The following CCSER1 variants were observed in gnomAD, a reference collection of about 807,000 sequenced individuals.
CCSER1 encodes the protein coiled-coil serine rich protein 1.
Under a neutral mutation model 82.0 loss-of-function variants are expected in CCSER1, and 41 were observed. The ratio of observed to expected loss-of-function variants is 0.50; its 90% CI spans 0.39 to 0.65. CCSER1 has a LOEUF of 0.65. CCSER1 is among the 30% of genes least tolerant of loss of function. CCSER1 has a pLI of 0.00. For missense variants in CCSER1, 1,119 were observed against 1,064.2 expected, an observed-to-expected ratio of 1.05 and a Z score of -0.72; for synonymous variants, 414 against 383.9, an observed-to-expected ratio of 1.08 and a Z score of -0.92.
chr4:91,278,508 T>C (rs981054852), intron 10 of CCSER1, among the ~76,000 whole-genome samples: 1 of 152,146 alleles, frequency 6.6e-6, no homozygotes, highest in Non-Finnish European at 1.5e-5. Flanking sequence ...TTGGTTTCTG[T>C]TTGCATGGAG....
chr4:90,531,868 C>T (rs1287116989), intron 5 of CCSER1, among the ~76,000 whole-genome samples: 1 of 152,046 alleles, frequency 6.6e-6, no homozygotes, highest in Non-Finnish European at 1.5e-5. Flanking sequence ...TAAGAAATGT[C>T]AGCATGACTT....
intron 9 of CCSER1, among the ~76,000 whole-genome samples, chr4:91,081,867 A>G (rs6836674): frequency 0.66 from 100,863 of 151,942 alleles, 33,986 homozygotes; most frequent in East Asian, 0.95. Flanking sequence ...GGACGTGAAG[A>G]ACCTCTTCAA....
chr4:90,548,369 G>A (rs1777045537), intron 5 of CCSER1, among the ~76,000 whole-genome samples: 1 of 152,054 alleles, frequency 6.6e-6, no homozygotes, highest in Non-Finnish European at 1.5e-5. Context: ...AATCTTTAGG[G>A]CCTACTTGTC....
chr4:91,212,136 G>T (rs1210030426), intron 10 of CCSER1, among the ~76,000 whole-genome samples: 1 of 152,004 alleles, frequency 6.6e-6, no homozygotes, highest in African/African-American at 2.4e-5. Context: ...ATTTGGTACA[G>T]TATTCACCTC....
At chr4:90,179,377 C>T (rs1019727129) in intron 1 of CCSER1, among the ~76,000 whole-genome samples, 7 of 152,122 alleles carry the variant, frequency 4.6e-5, no homozygotes, top group East Asian at 3.9e-4. Flanking sequence ...AGATATTTTC[C>T]GAAGTATAAT....
intron 9 of CCSER1, among the ~76,000 whole-genome samples, chr4:91,033,055 T>C (rs1247540388): frequency 8.4e-6 from 1 of 118,366 alleles, no homozygotes; most frequent in Non-Finnish European, 1.8e-5. Context: ...TACATACAAA[T>C]AAACAAAAAA....
intron 3 of CCSER1, among the ~76,000 whole-genome samples, chr4:90,395,188 C>A (rs1023781305): frequency 6.6e-6 from 1 of 152,136 alleles, no homozygotes; most frequent in Non-Finnish European, 1.5e-5. Flanking sequence ...ATGTTCTGTG[C>A]GTGACTTACT....
chr4:90,542,745 T>A (rs1776264394), intron 5 of CCSER1, among the ~76,000 whole-genome samples: 1 of 152,098 alleles, frequency 6.6e-6, no homozygotes, highest in African/African-American at 2.4e-5. Context: ...ATTTTTATTG[T>A]CCCAGAAATC....
chr4:90,265,209 A>G (rs13143220), intron 1 of CCSER1, among the ~76,000 whole-genome samples: 3 of 151,872 alleles, frequency 2.0e-5, no homozygotes, highest in African/African-American at 7.2e-5. Context: ...TTCCTGAGGC[A>G]ATATTTTTTA....
intron 9 of CCSER1, among the ~76,000 whole-genome samples, chr4:91,081,071 A>T (rs1029612600): frequency 6.6e-6 from 1 of 152,174 alleles, no homozygotes; most frequent in African/African-American, 2.4e-5. Context: ...GGCCAACATC[A>T]TCCTGATACC....
intron 3 of CCSER1, among the ~76,000 whole-genome samples, chr4:90,377,862 A>G (rs1333041319): frequency 6.6e-6 from 1 of 152,144 alleles, no homozygotes; most frequent in Non-Finnish European, 1.5e-5. Flanking sequence ...TTCATAGAAA[A>G]TAATTGTCAT....
chr4:91,312,168 C>T (rs1350310738), intron 10 of CCSER1, among the ~76,000 whole-genome samples: 1 of 151,604 alleles, frequency 6.6e-6, no homozygotes, highest in Non-Finnish European at 1.5e-5. Context: ...CATCTCTAAA[C>T]ATAATAATAG....
chr4:90,745,254 T>A (rs1353134125), intron 7 of CCSER1, among the ~76,000 whole-genome samples: 1 of 152,214 alleles, frequency 6.6e-6, no homozygotes. Flanking sequence ...AAACCAGCAA[T>A]GGCCTATCTC....
intron 1 of CCSER1, among the ~76,000 whole-genome samples, chr4:90,275,216 G>T (rs1727324592): frequency 6.6e-6 from 1 of 152,056 alleles, no homozygotes; most frequent in Non-Finnish European, 1.5e-5. Flanking sequence ...CTTGTATTCT[G>T]TAAATAAACA....
At chr4:90,943,753 T>TTTTTTTTTTTC (rs1731884408) in intron 9 of CCSER1, among the ~76,000 whole-genome samples, 1 of 119,940 alleles carries the variant, frequency 8.3e-6, no homozygotes, top group Non-Finnish European at 1.9e-5. Context: ...TTTTTTTTTT[T>TTTTTTTTTTTC]TTTTTGGAGA....
intron 10 of CCSER1, among the ~76,000 whole-genome samples, chr4:91,252,151 A>C (rs1182938118): frequency 6.6e-6 from 1 of 152,188 alleles, no homozygotes; most frequent in Non-Finnish European, 1.5e-5. Flanking sequence ...AATCTTTGGG[A>C]GACAGAGGAC....
chr4:90,479,898 G>T (rs185491639), intron 5 of CCSER1, among the ~76,000 whole-genome samples: 76 of 152,262 alleles, frequency 5.0e-4, no homozygotes, highest in African/African-American at 1.5e-3. Flanking sequence ...ACCCAGTAAT[G>T]GGATGGCTGG....
At position 90,932,941 on chromosome 4, in the gene CCSER1, A is replaced by G. The variant is rs1240055484; in HGVS notation, c.2172+9494A>G. On this transcript the variant is annotated intron_variant, in intron 9 of 10. Coordinates refer to ENST00000509176, the MANE Select transcript of CCSER1 (RefSeq NM_001145065.2). ...AAGAAAGAAAGAAAGAAAGAAAGAA[A>G]GAAAGAAAGAAAGAAAGAAAGAAAG... Among the ~76,000 whole-genome samples the G allele has an allele frequency of 1.4e-4, 5 of 36,158 alleles. 1 individual carries two copies. Among genetic ancestry groups the G allele is most frequent in the Admixed American group, 2.6e-4 (1 of 3,874 alleles). 23.7% of individuals were successfully genotyped at this position (36,158 alleles called of 152,430 possible). A position where few individuals can be genotyped will look rare whatever the true frequency, so the allele number is the denominator to read the frequency against.
rs561019119 is a variant in CCSER1, at chr4:90,209,889, T to G, written c.-42+82058T>G. 2.0e-5 allele frequency among the ~76,000 whole-genome samples: 3 copies of G among 152,292 alleles called. No individual in the cohort carries two copies. In the South Asian group the frequency reaches 6.2e-4, roughly 32 times the overall value. Reference sequence around the variant, plus strand: ...CTGTTTAATTTTTCTCCTCTGGGATTAAGTGACAGCATCCCCTTATATGTT... The same window carrying G: ...CTGTTTAATTTTTCTCCTCTGGGATGAAGTGACAGCATCCCCTTATATGTT... On this transcript the variant is annotated intron_variant, in intron 1 of 10. Transcript: ENST00000509176.
Sources: gnomAD v4.1 joint callset for allele counts (sites outside exome capture counted in the v4.1 genomes callset) on GRCh38, gnomAD v4.1.1 for gene constraint, MANE v1.5 for transcripts, NCBI Gene and HGNC (gene_info 2026-07-23, HGNC 2026-07-21) for gene names.